SEMA5A: variants seen among roughly 807,000 people sequenced by gnomAD.
SEMA5A encodes semaphorin 5A.
In SEMA5A, 55 loss-of-function variants were observed where a neutral mutation model predicts 135.5. The ratio of observed to expected loss-of-function variants is 0.41; its 90% CI spans 0.33 to 0.51. The LOEUF is 0.51. Among genes scored for constraint, SEMA5A ranks in the 20% least tolerant of loss-of-function variants. SEMA5A has a pLI of 0.37. For synonymous variants in SEMA5A, 580 were observed against 546.5 expected (o/e 1.06, Z -0.85); for missense variants, 1,290 against 1,419.9 (o/e 0.91, Z 1.47).
intron 1 of SEMA5A, among the ~76,000 whole-genome samples, chr5:9,534,561 A>T (rs1737642565): frequency 6.6e-6 from 1 of 152,176 alleles, no homozygotes; most frequent in Non-Finnish European, 1.5e-5. Flanking sequence ...CCAGTGTTGC[A>T]TCCCCATGGA....
At chr5:9,537,480 T>G (rs75717579) in intron 1 of SEMA5A, among the ~76,000 whole-genome samples, 1 of 152,168 alleles carries the variant, frequency 6.6e-6, no homozygotes, top group African/African-American at 2.4e-5. Context: ...GTATGAAAGA[T>G]AAAAATGTCA....
intron 1 of SEMA5A, among the ~76,000 whole-genome samples, chr5:9,507,387 T>A (rs1735950218): frequency 6.6e-6 from 1 of 152,206 alleles, no homozygotes; most frequent in South Asian, 2.1e-4. Context: ...TTTATCTAAA[T>A]GTCATCATTT....
chr5:9,312,344 C>CA (rs11311020), intron 5 of SEMA5A, among the ~76,000 whole-genome samples: 7,978 of 88,134 alleles, frequency 0.091, 296 homozygotes, highest in East Asian at 0.14. Flanking sequence ...CAGTGAGTTG[C>CA]AAAAAAAAAA....
chr5:9,179,427 G>T (rs1744384598), intron 11 of SEMA5A, among the ~76,000 whole-genome samples: 1 of 152,112 alleles, frequency 6.6e-6, no homozygotes, highest in African/African-American at 2.4e-5. Flanking sequence ...AGACCAAGAA[G>T]AAAACAGGAA....
rs1246877974 is a variant in SEMA5A at position 9,041,878 on chromosome 5, GATT to G, written c.*1016_*1018del. The G allele has an allele frequency of 6.6e-6, 1 of 152,544 alleles. No individual in the cohort carries two copies. The highest frequency in any genetic ancestry group is 6.5e-5 in the Admixed American group (1 of 15,272). 9.4% of individuals were successfully genotyped at this position (152,544 alleles called of 1,614,324 possible). On this transcript the variant is annotated 3_prime_UTR_variant, in exon 23 of 23. Coordinates refer to ENST00000382496, the MANE Select transcript of SEMA5A (RefSeq NM_003966.3). ...ATATCAGAGAGATGAAAAATAAAATGATTATCATTAATATCAGTTCTTTCAATA... is the reference window on the plus strand; with the variant it reads ...ATATCAGAGAGATGAAAAATAAAATGATCATTAATATCAGTTCTTTCAATA...
intron 1 of SEMA5A, among the ~76,000 whole-genome samples, chr5:9,508,597 G>A (rs567964213): frequency 4.6e-5 from 7 of 152,266 alleles, no homozygotes; most frequent in African/African-American, 1.4e-4. Context: ...CCCTCTGCCT[G>A]GAATAGCCTT....
At chr5:9,414,611 A>G (rs1238653674) in intron 2 of SEMA5A, among the ~76,000 whole-genome samples, 2 of 152,242 alleles carry the variant, frequency 1.3e-5, no homozygotes, top group Admixed American at 1.3e-4. Flanking sequence ...CTTCATGCAA[A>G]TGCAACAAGA....
intron 2 of SEMA5A, among the ~76,000 whole-genome samples, chr5:9,426,351 G>A (rs1757648417): frequency 1.3e-5 from 2 of 151,560 alleles, no homozygotes; most frequent in Non-Finnish European, 2.9e-5. Context: ...CGTGATCCTG[G>A]GAGGCGGAGC....
At chr5:9,213,227 A>C (rs1353003416) in intron 8 of SEMA5A, among the ~76,000 whole-genome samples, 1 of 152,232 alleles carries the variant, frequency 6.6e-6, no homozygotes, top group African/African-American at 2.4e-5. Context: ...GAGGACATAA[A>C]TGTTCAGACC....
At chr5:9,277,133 C>T (rs2150555066) in intron 5 of SEMA5A, among the ~76,000 whole-genome samples, 1 of 152,156 alleles carries the variant, frequency 6.6e-6, no homozygotes, top group African/African-American at 2.4e-5. Flanking sequence ...AACAAACAAC[C>T]CCATCAAAAA....
chr5:9,505,045 A>G (rs986650973), intron 1 of SEMA5A, among the ~76,000 whole-genome samples: 4 of 152,222 alleles, frequency 2.6e-5, no homozygotes, highest in Non-Finnish European at 5.9e-5. Flanking sequence ...CTCCTGATCA[A>G]AAATTCCAAC....
intron 2 of SEMA5A, among the ~76,000 whole-genome samples, chr5:9,395,273 G>A (rs1354506047): frequency 1.3e-5 from 2 of 152,164 alleles, no homozygotes; most frequent in African/African-American, 4.8e-5. Context: ...CTGGTTCAAA[G>A]AATGGGAGGT....
intron 5 of SEMA5A, among the ~76,000 whole-genome samples, chr5:9,287,206 T>A (rs76800718): frequency 0.011 from 1,720 of 152,348 alleles, 33 homozygotes; most frequent in African/African-American, 0.039. Flanking sequence ...CATCTTTATA[T>A]TAACCCAGGC....
chr5:9,202,616 G>A (rs1745779231), intron 8 of SEMA5A, among the ~76,000 whole-genome samples: 1 of 152,188 alleles, frequency 6.6e-6, no homozygotes, highest in African/African-American at 2.4e-5. Context: ...GAGAAAATAT[G>A]ATTAAAAAGA....
At chr5:9,108,097 T>C (rs1305848537) in intron 16 of SEMA5A, 43 bp downstream of exon 16, 3 of 1,597,992 alleles carry the variant, frequency 1.9e-6, no homozygotes, top group African/African-American at 2.7e-5. Flanking sequence ...TCTGTATTCC[T>C]GGTTCTGGAT....
intron 1 of SEMA5A, among the ~76,000 whole-genome samples, chr5:9,448,051 AAGCAG>A (rs1399256873): frequency 6.6e-6 from 1 of 152,150 alleles, no homozygotes; most frequent in Non-Finnish European, 1.5e-5. Flanking sequence ...CCTGCTGGGG[AAGCAG>A]ATGCACTTTT....
intron 6 of SEMA5A, among the ~76,000 whole-genome samples, chr5:9,227,573 C>T (rs957353826): frequency 2.6e-5 from 3 of 113,844 alleles, no homozygotes; most frequent in South Asian, 2.8e-4. Context: ...TTTTTTGAGA[C>T]GGAGTCTCGC....
intron 5 of SEMA5A, among the ~76,000 whole-genome samples, chr5:9,312,506 C>T (rs1290175164): frequency 6.6e-6 from 1 of 152,106 alleles, no homozygotes; most frequent in Non-Finnish European, 1.5e-5. Flanking sequence ...GACATCTTCT[C>T]TTAATATGTT....
intron 6 of SEMA5A, among the ~76,000 whole-genome samples, chr5:9,229,198 A>T (rs1313053721): frequency 6.6e-6 from 1 of 152,262 alleles, no homozygotes; most frequent in Non-Finnish European, 1.5e-5. Context: ...ACTGAGGAAG[A>T]TGGAAAACAA....
Sources: allele counts gnomAD v4.1 joint callset (sites outside exome capture counted in the v4.1 genomes callset), GRCh38; gene constraint gnomAD v4.1.1; transcripts MANE v1.5; gene names NCBI Gene and HGNC (gene_info 2026-07-23, HGNC 2026-07-21).